Variants in SPEG observed in about 807,000 individuals in gnomAD.
The protein encoded by SPEG is striated muscle enriched protein kinase.
SPEG carries 114 observed loss-of-function variants against 300.4 expected under a neutral mutation model. The observed-to-expected ratio is 0.38, with a 90% CI of 0.33 to 0.44. SPEG has a LOEUF of 0.44. Among genes scored for constraint, SPEG ranks in the 20% least tolerant of loss-of-function variants. SPEG has a pLI of 1.00. For synonymous variants in SPEG, 1,964 were observed against 2,018.9 expected, an observed-to-expected ratio of 0.97 and a Z score of 0.73; for missense variants, 4,201 against 4,586.2, an observed-to-expected ratio of 0.92 and a Z score of 2.43.
chr2:219,467,236 G>T lies in SPEG; in HGVS notation c.2944G>T (p.Gly982Trp). 6.2e-7 allele frequency: 1 copy of T among 1,604,406 alleles called. No individual in the cohort carries two copies. The part of the protein sequence containing the change: ...APLQDVDVGA[G>W]EMALFECLVA... ...CCTGCAGGACGTGGACGTGGGGGCC[G>T]GGGAGATGGCGCTGTTTGAGTGCCT... The change falls in exon 10 of 41, where the codon GGG becomes TGG. Residue 982 changes from glycine (G) to tryptophan (W), a missense_variant. Gly to Trp is a radical substitution (Grantham distance 184). Transcript: ENST00000312358.
In SPEG at chr2:219,489,202, C is replaced by A; in HGVS notation, c.8298C>A (p.Val2766=). The change falls in exon 35 of 41, where the codon GTC becomes GTA. Residue 2766 remains valine, a synonymous_variant. Coordinates refer to ENST00000312358, the MANE Select transcript of SPEG (RefSeq NM_005876.5). The part of the protein sequence containing the change: ...QGPFSNSSEK[V]FVRGTQDSSA... ...CCTTCAGCAACTCTTCTGAGAAGGT[C>A]TTTGTCAGGGGTACTCAAGGTCAGT... 6.2e-7 allele frequency: 1 copy of A among 1,613,894 alleles called. No homozygotes were observed. The highest frequency in any genetic ancestry group is 1.3e-5 in the African/African-American group (1 of 75,000).
chr2:219,485,572 C>A, intron 31 of SPEG, 95 bp downstream of exon 31: 2 of 1,295,516 alleles, frequency 1.5e-6, no homozygotes, highest in Non-Finnish European at 2.1e-6. Context: ...GGTGGGCCAC[C>A]TTGACAAACC....
intron 1 of SPEG, among the ~76,000 whole-genome samples, chr2:219,438,522 C>G (rs1406955465): frequency 6.6e-6 from 1 of 152,220 alleles, no homozygotes; most frequent in African/African-American, 2.4e-5. Flanking sequence ...GATAGGCAGG[C>G]ATTCTTCTTT....
chr2:219,484,125 A>C lies in SPEG; in HGVS notation c.6662A>C (p.Glu2221Ala). The part of the protein sequence containing the change: ...AQDKAPEPRP[E>A]PVRASKPAPP... The stretch of plus-strand genomic sequence containing the variant: ...GACAAGGCTCCAGAGCCCAGGCCAG[A>C]ACCAGTCCGAGCCTCCAAGCCTGCA... Residue 2221 changes from glutamate (E) to alanine (A), a missense_variant, in exon 30 of 41, where the codon GAA (glutamate) becomes GCA (alanine). Glu to Ala is a moderately radical substitution (Grantham distance 107). This residue lies in a region of SPEG where 1,578 missense variants were observed against 1,506.0 expected (regional missense o/e 1.05). Coordinates refer to ENST00000312358, the MANE Select transcript of SPEG (RefSeq NM_005876.5). 1 of 1,613,262 alleles carries C rather than the reference A, an allele frequency of 6.2e-7. No individual in the cohort carries two copies. Among genetic ancestry groups the C allele is most frequent in the Non-Finnish European group, 8.5e-7 (1 of 1,179,910 alleles).
intron 7 of SPEG, 45 bp from the exon 8 acceptor site, chr2:219,462,253 G>T: frequency 6.7e-7 from 1 of 1,500,968 alleles, no homozygotes; most frequent in Non-Finnish European, 9.1e-7. Context: ...CAGGACCCAA[G>T]GCTCTGCCCT....
rs1693000124 is a variant in SPEG at position 219,483,002 on chromosome 2, C to A, written c.5635-96C>A. ...TTCCTGCCTGTTCCCTGACCCTCTG[C>A]ATGCTCAGGCCTCTTCCCCAGGGCT... On this transcript the variant is annotated intron_variant, in intron 29 of 40. Transcript: ENST00000312358. 6 of 1,436,642 alleles carry A rather than the reference C, an allele frequency of 4.2e-6. No homozygotes were observed. In the South Asian group the frequency reaches 7.6e-5, roughly 18 times the overall value. 89.0% of individuals were successfully genotyped at this position (1,436,642 alleles called of 1,614,324 possible).
In SPEG at chr2:219,458,226, C is replaced by T. The variant is rs186598499; in HGVS notation, c.2441-3656C>T. Among the ~76,000 whole-genome samples, 7 of 152,178 alleles carry T rather than the reference C, an allele frequency of 4.6e-5. No individual in the cohort carries two copies. The highest frequency in any genetic ancestry group is 1.9e-4 in the East Asian group (1 of 5,156). On this transcript the variant is annotated intron_variant, in intron 6 of 40. Coordinates refer to ENST00000312358, the MANE Select transcript of SPEG (RefSeq NM_005876.5). This position sits in a 1 kb window ranked among gnomAD's most constrained non-coding sequence, Gnocchi z 4.2. ...CATGACTTTTCAAGCCCTTGAGCAA[C>T]GTGGGTGACACACAGAGGTGAGGCT... is the stretch of plus-strand genomic sequence containing the variant.
chr2:219,479,299 C>T lies in SPEG; in HGVS notation c.5085+98C>T, dbSNP rs1236261934. ...TGGGTCCTGAGTGTGCCATCTGTGC[C>T]CACAGGAAGCCAGGGGTGGAGGTGG... On this transcript the variant is annotated intron_variant, in intron 23 of 40. Coordinates refer to ENST00000312358, the MANE Select transcript of SPEG (RefSeq NM_005876.5). The surrounding 1 kb of genome is among the most constrained non-coding windows in gnomAD (Gnocchi z 5.5). 9.8e-7 allele frequency: 1 copy of T among 1,020,434 alleles called. No individual in the cohort carries two copies. The highest frequency in any genetic ancestry group is 1.5e-6 in the Non-Finnish European group (1 of 668,164). The allele number at this position is 1,020,434 out of a possible 1,614,324, so 63.2% of individuals were successfully genotyped here. A position where few individuals can be genotyped will look rare whatever the true frequency, so the allele number is the denominator to read the frequency against.
chr2:219,492,133 T>G lies in SPEG; in HGVS notation c.9484T>G (p.Tyr3162Asp). The change falls in exon 40 of 41, where the codon TAT becomes GAT. Residue 3162 changes from tyrosine to aspartate, a missense_variant. Tyr to Asp is a radical substitution (Grantham distance 160). Transcript: ENST00000312358. ...YIMLSGRSPF[Y>D]EPDPQETEAR... Reference sequence around the variant, plus strand: ...CAGGCTCAGTGGACGCTCCCCGTTCTATGAGCCAGACCCCCAGGAAACGGA... The same window carrying G: ...CAGGCTCAGTGGACGCTCCCCGTTCGATGAGCCAGACCCCCAGGAAACGGA... 6.2e-7 allele frequency: 1 copy of G among 1,613,366 alleles called. No homozygotes were observed. The highest frequency in any genetic ancestry group is 1.1e-5 in the South Asian group (1 of 91,040).
intron 9 of SPEG, chr2:219,465,916 TGTGTGTGCGCGCGTGTGCGTGCAC>T: frequency 4.3e-6 from 3 of 701,882 alleles, no homozygotes; most frequent in South Asian, 3.5e-5. Flanking sequence ...TGCATGCGTG[TGTGTGTGCGCGCGTGTGCGTGCAC>T]GTGTGCGTGC....
rs991514122 is a variant in SPEG at position 219,444,627 on chromosome 2, G to A, written c.389-26G>A. The A allele has an allele frequency of 3.7e-6, 6 of 1,604,050 alleles. No individual in the cohort carries two copies. The highest frequency in any genetic ancestry group is 4.3e-6 in the Non-Finnish European group (5 of 1,171,180). The stretch of plus-strand genomic sequence containing the variant: ...TTGGAGGCAGAGGGAGGAGGGCCCT[G>A]CCCACACAGACCCCTTCTTCTCCAG... On this transcript the variant is annotated intron_variant, in intron 1 of 40. Coordinates refer to ENST00000312358, the MANE Select transcript of SPEG (RefSeq NM_005876.5). The surrounding 1 kb of genome is among the most constrained non-coding windows in gnomAD (Gnocchi z 7.8).
At chr2:219,485,592 G>A (rs1693338051) in intron 31 of SPEG, 115 bp downstream of exon 31, 3 of 1,096,466 alleles carry the variant, frequency 2.7e-6, no homozygotes, top group Non-Finnish European at 3.8e-6. Context: ...CTAGTGGAAG[G>A]GGTCTGCTCA....
In SPEG at chr2:219,479,190, T is replaced by C. The variant is rs1306311902; in HGVS notation, c.5074T>C (p.Cys1692Arg). The C allele has an allele frequency of 6.2e-7, 1 of 1,613,578 alleles. No homozygotes were observed. Among genetic ancestry groups the C allele is most frequent in the South Asian group, 1.1e-5 (1 of 91,072 alleles). Reference protein sequence around the residue: ...LERIARKPTVCESEIRAYMRQ... With the variant: ...LERIARKPTVRESEIRAYMRQ... Reference sequence around the variant, plus strand: ...GCGAATCGCCAGGAAACCCACCGTGTGTGAGTCTGAGGTGAGGGCAGTGGG... The same window carrying C: ...GCGAATCGCCAGGAAACCCACCGTGCGTGAGTCTGAGGTGAGGGCAGTGGG... Residue 1692 changes from cysteine to arginine, a missense_variant, in exon 23 of 41, where the codon TGT becomes CGT. Transcript: ENST00000312358. This position sits in a 1 kb window ranked among gnomAD's most constrained non-coding sequence, Gnocchi z 5.5.
chr2:219,480,730 C>G lies in SPEG; in HGVS notation c.5369+33C>G. ...CCCCTCTGCAATGTCCCAGCAGTCTCCTGGCAGGTCTACCCCTAACCTTTG... is the reference window on the plus strand; with the variant it reads ...CCCCTCTGCAATGTCCCAGCAGTCTGCTGGCAGGTCTACCCCTAACCTTTG... On this transcript the variant is annotated intron_variant, in intron 26 of 40. Transcript: ENST00000312358. The surrounding 1 kb of genome is among the most constrained non-coding windows in gnomAD (Gnocchi z 5.3). 6.2e-7 allele frequency: 1 copy of G among 1,610,212 alleles called. No homozygotes were observed. The highest frequency in any genetic ancestry group is 8.5e-7 in the Non-Finnish European group (1 of 1,176,516).
At chr2:219,478,424 G>A (rs1381887299) in intron 22 of SPEG, among the ~76,000 whole-genome samples, 1 of 152,190 alleles carries the variant, frequency 6.6e-6, no homozygotes, top group African/African-American at 2.4e-5. Flanking sequence ...AGACAGGCAT[G>A]GAGAGGTTAA....
rs772755715 is a variant in SPEG at position 219,451,226 on chromosome 2, CA to C, written c.2205del (p.Ala737GlnfsTer73). 1 of 1,613,840 alleles carries C rather than the reference CA, an allele frequency of 6.2e-7. No homozygotes were observed. Among genetic ancestry groups the C allele is most frequent in the Non-Finnish European group, 8.5e-7 (1 of 1,179,974 alleles). ...CCCCTGCAGAATGTGGTGGTGGCAC[CA>C]GGGGCAGATGTGCTGCTCAAGTGTA... is the stretch of plus-strand genomic sequence containing the variant. Reference protein sequence around the residue: ...EIPLQNVVVAPGADVLLKCII... With the variant: ...EIPLQNVVVAXGADVLLKCII... On this transcript the variant is annotated frameshift_variant, in exon 5 of 41. Transcript: ENST00000312358. LOFTEE classifies it high-confidence loss of function. This position sits in a 1 kb window ranked among gnomAD's most constrained non-coding sequence, Gnocchi z 6.4.
chr2:219,457,126 CTT>C (rs1181776821), intron 6 of SPEG, among the ~76,000 whole-genome samples: 4 of 152,154 alleles, frequency 2.6e-5, no homozygotes, highest in African/African-American at 9.7e-5. Flanking sequence ...CTTTCCCTGA[CTT>C]TTCCGCAGTG....
Position 219,473,700 on chromosome 2 carries a change from G to A in SPEG, c.4272-28G>A, listed in dbSNP as rs1692092833. The stretch of plus-strand genomic sequence containing the variant: ...CCGGAATGCCCTGGGGCAAGATCTG[G>A]GTGACCTCCCTGTCATGTGTCCCCT... On this transcript the variant is annotated intron_variant, in intron 17 of 40. Coordinates refer to ENST00000312358, the MANE Select transcript of SPEG (RefSeq NM_005876.5). This position sits in a 1 kb window ranked among gnomAD's most constrained non-coding sequence, Gnocchi z 4.6. 2 of 1,612,768 alleles carry A rather than the reference G, an allele frequency of 1.2e-6. No homozygotes were observed. Among genetic ancestry groups the A allele is most frequent in the African/African-American group, 2.7e-5 (2 of 74,922 alleles).
Position 219,448,504 on chromosome 2 carries a change from C to G in SPEG, c.1346C>G (p.Thr449Ser). The G allele has an allele frequency of 6.9e-7, 1 of 1,451,926 alleles. No individual in the cohort carries two copies. Among genetic ancestry groups the G allele is most frequent in the Non-Finnish European group, 9.0e-7 (1 of 1,111,320 alleles). 89.9% of individuals were successfully genotyped at this position (1,451,926 alleles called of 1,614,324 possible). ...TCGGAGCGCGGCGCACCGTGGGGCA[C>G]CCCCGGGGCCTCGCAGGAAGAACTG... Reference protein sequence around the residue: ...PKSERGAPWGTPGASQEELRA... With the variant: ...PKSERGAPWGSPGASQEELRA... Residue 449 changes from threonine to serine, a missense_variant, in exon 4 of 41, where the codon ACC (threonine) becomes AGC (serine). Around this residue, in one of 4 missense-constraint regions of SPEG, gnomAD observed 1,258 missense variants for 1,293.9 expected, o/e 0.97. Coordinates refer to ENST00000312358, the MANE Select transcript of SPEG (RefSeq NM_005876.5).
Sources: gnomAD v4.1 joint callset for allele counts (sites outside exome capture counted in the v4.1 genomes callset) on GRCh38, gnomAD v4.1.1 for gene constraint, gnomAD v4.1.1 regional missense constraint, Gnocchi (gnomAD v3.1) non-coding constraint, MANE v1.5 for transcripts, NCBI Gene and HGNC (gene_info 2026-07-23, HGNC 2026-07-21) for gene names.